The following WDR6 variants were observed in gnomAD, a reference collection of about 807,000 sequenced individuals.
WDR6 encodes the protein WD repeat domain 6, also known as tRNA (34-2'-O)-methyltransferase regulator WDR6.
In WDR6, 58 loss-of-function variants were observed where a neutral mutation model predicts 85.6. That is an observed-to-expected ratio of 0.68 (90% confidence interval 0.55 to 0.84). The LOEUF (loss-of-function observed/expected upper bound fraction) is 0.84. Ranked by LOEUF, WDR6 falls within the 40% of genes least tolerant of loss-of-function variation. The pLI, the probability that WDR6 is intolerant of heterozygous loss-of-function variation, is 0.00. For missense variants in WDR6, 1,310 were observed against 1,476.4 expected (o/e 0.89, Z 1.85); for synonymous variants, 569 against 582.2 (o/e 0.98, Z 0.33).
chr3:49,012,911 C>A lies in WDR6; in HGVS notation c.1377C>A (p.Gly459=), dbSNP rs139860182. The change falls in exon 2 of 6, where the codon GGC becomes GGA. Residue 459 remains glycine (G), a synonymous_variant. Transcript: ENST00000608424. This position sits in a 1 kb window ranked among gnomAD's most constrained non-coding sequence, Gnocchi z 4.4. ...EELLLLASGP[G]GVVACLEISA... ...TCCTGTTGCTGGCATCGGGCCCTGG[C>A]GGGGTAGTAGCTTGCCTAGAGATCT... 1 of 1,613,760 alleles carries A rather than the reference C, an allele frequency of 6.2e-7. No homozygotes were observed. The highest frequency in any genetic ancestry group is 8.5e-7 in the Non-Finnish European group (1 of 1,179,936).
rs757345043 is a variant in WDR6, at chr3:49,013,638, C to T, written c.2104C>T (p.Arg702Cys). Residue 702 changes from arginine to cysteine, a missense_variant, in exon 2 of 6, where the codon CGT becomes TGT. By Grantham distance (180) the Arg-to-Cys change is radical. Transcript: ENST00000608424. This position sits in a 1 kb window ranked among gnomAD's most constrained non-coding sequence, Gnocchi z 4.6. The stretch of plus-strand genomic sequence containing the variant: ...GATTCTCCGGGAGGGTCTGCATGGC[C>T]GTGAGATCACTTGTGTAAAGCGTGT... ...HVILREGLHG[R>C]EITCVKRVGT... 5.4e-5 allele frequency: 87 copies of T among 1,613,944 alleles called. No individual in the cohort carries two copies. Among genetic ancestry groups the T allele is most frequent in the South Asian group, 3.7e-4 (34 of 91,088 alleles).
chr3:49,011,358 C>T (rs754429621), intron 1 of WDR6: 1,284 of 1,104,892 alleles, frequency 1.2e-3, no homozygotes, highest in Non-Finnish European at 1.4e-3. Flanking sequence ...GGATTACAGG[C>T]GTGAGCCACC....
rs758601528 is a variant in WDR6 at position 49,014,663 on chromosome 3, G to C, written c.2847G>C (p.Met949Ile). 2.4e-5 allele frequency: 39 copies of C among 1,613,422 alleles called. No individual in the cohort carries two copies. The highest frequency in any genetic ancestry group is 3.3e-5 in the Non-Finnish European group (39 of 1,180,014). ...GSLAFWDLTT[M>I]LDHDSTVLEP... ...TGGCTTTCTGGGATCTCACCACCAT[G>C]CTAGACCATGACTCCACTGTCCTGG... The change falls in exon 5 of 6, where the codon ATG becomes ATC. Residue 949 changes from methionine (M) to isoleucine (I), a missense_variant. Met to Ile is a conservative substitution (Grantham distance 10, BLOSUM62 1). Transcript: ENST00000608424. This position sits in a 1 kb window ranked among gnomAD's most constrained non-coding sequence, Gnocchi z 4.9.
chr3:49,015,257 AG>A lies in WDR6; in HGVS notation c.3339del (p.Glu1115ArgfsTer40). On this transcript the variant is annotated frameshift_variant, in exon 6 of 6. Coordinates refer to ENST00000608424, the MANE Select transcript of WDR6 (RefSeq NM_018031.6). LOFTEE classifies it high-confidence loss of function. ...GGCCACCGTTGTGCCCTTGGGGGTCAGGGGCTTGAGGTTTACAACTGGTATG... is the reference window on the plus strand; with the variant it reads ...GGCCACCGTTGTGCCCTTGGGGGTCAGGGCTTGAGGTTTACAACTGGTATG... ...EFGHRCALGG[Q>X]GLEVYNWYD is the part of the protein sequence containing the mutation. 1 of 1,612,130 alleles carries A rather than the reference AG, an allele frequency of 6.2e-7. No individual in the cohort carries two copies.
At chr3:49,008,384 A>G (rs1271858162) in intron 1 of WDR6, 1 of 152,400 alleles carries the variant, frequency 6.6e-6, no homozygotes, top group African/African-American at 2.4e-5. Context: ...GTGAGTTGCC[A>G]CCAGTCCTAA....
At position 49,014,556 on chromosome 3, in the gene WDR6, C is replaced by T. The variant is rs758176282; in HGVS notation, c.2784-44C>T. ...GCTGGGTTGGGGGGTTCCTGTTGAGCTTCATCTCTGTTATTGACCAGGCTG... is the reference window on the plus strand; with the variant it reads ...GCTGGGTTGGGGGGTTCCTGTTGAGTTTCATCTCTGTTATTGACCAGGCTG... On this transcript the variant is annotated intron_variant, in intron 4 of 5. Transcript: ENST00000608424. This position sits in a 1 kb window ranked among gnomAD's most constrained non-coding sequence, Gnocchi z 4.9. The T allele has an allele frequency of 1.2e-6, 2 of 1,613,436 alleles. No individual in the cohort carries two copies. Among genetic ancestry groups the T allele is most frequent in the Non-Finnish European group, 1.7e-6 (2 of 1,179,776 alleles).
rs1052969424 is a variant in WDR6 at position 49,014,841 on chromosome 3, C to G, written c.2919C>G (p.Ser973=). ...PGLPYRLGTP[S]LTLQAHSCGI... is the part of the protein sequence containing the mutation. ...TTCCTTCAGGGCTTGGCACCCCCTC[C>G]CTGACTCTCCAGGCCCACAGCTGTG... Residue 973 remains serine (S), a synonymous_variant, in exon 6 of 6, where the codon TCC becomes TCG. Transcript: ENST00000608424. The surrounding 1 kb of genome is among the most constrained non-coding windows in gnomAD (Gnocchi z 4.9). 5 of 1,604,760 alleles carry G rather than the reference C, an allele frequency of 3.1e-6. No individual in the cohort carries two copies. The highest frequency in any genetic ancestry group is 4.3e-6 in the Non-Finnish European group (5 of 1,173,242).
In WDR6 at chr3:49,013,651, G is replaced by T. The variant is rs779774691; in HGVS notation, c.2117G>T (p.Cys706Phe). 6.2e-6 allele frequency: 10 copies of T among 1,614,164 alleles called. No individual in the cohort carries two copies. The East Asian group carries it at 2.2e-4, about 36-fold the overall frequency. The change falls in exon 2 of 6, where the codon TGT (cysteine) becomes TTT (phenylalanine). Residue 706 changes from cysteine to phenylalanine, a missense_variant. Coordinates refer to ENST00000608424, the MANE Select transcript of WDR6 (RefSeq NM_018031.6). The surrounding 1 kb of genome is among the most constrained non-coding windows in gnomAD (Gnocchi z 4.6). Reference protein sequence around the residue: ...REGLHGREITCVKRVGTITLG... With the variant: ...REGLHGREITFVKRVGTITLG... ...GGTCTGCATGGCCGTGAGATCACTT[G>T]TGTAAAGCGTGTGGGCACCATTACC...
At position 49,013,371 on chromosome 3, in the gene WDR6, A is replaced by G. The variant is rs1404425415; in HGVS notation, c.1837A>G (p.Met613Val). 6.2e-7 allele frequency: 1 copy of G among 1,614,172 alleles called. No individual in the cohort carries two copies. Among genetic ancestry groups the G allele is most frequent in the Admixed American group, 1.7e-5 (1 of 60,022 alleles). Reference protein sequence around the residue: ...PVLRQKSCRGMNWLAGLRIVP... With the variant: ...PVLRQKSCRGVNWLAGLRIVP... The stretch of plus-strand genomic sequence containing the variant: ...CCTAAGGCAGAAGTCCTGTCGAGGC[A>G]TGAACTGGCTAGCTGGGCTCCGTAT... Residue 613 changes from methionine to valine, a missense_variant, in exon 2 of 6, where the codon ATG (methionine) becomes GTG (valine). By Grantham distance (21) the Met-to-Val change is conservative. Transcript: ENST00000608424. The surrounding 1 kb of genome is among the most constrained non-coding windows in gnomAD (Gnocchi z 4.6).
chr3:49,011,374 T>A, intron 1 of WDR6: 1 of 1,319,550 alleles, frequency 7.6e-7, no homozygotes, highest in Non-Finnish European at 1.0e-6. Flanking sequence ...CCACCGTGCC[T>A]GGCCGAGACC....
chr3:49,013,400 G>T lies in WDR6; in HGVS notation c.1866G>T (p.Val622=). 6.2e-7 allele frequency: 1 copy of T among 1,614,182 alleles called. No individual in the cohort carries two copies. ...GMNWLAGLRI[V]PDGSMVILGF... Reference sequence around the variant, plus strand: ...ACTGGCTAGCTGGGCTCCGTATAGTGCCCGATGGGAGCATGGTTATCCTGG... The same window carrying T: ...ACTGGCTAGCTGGGCTCCGTATAGTTCCCGATGGGAGCATGGTTATCCTGG... Residue 622 remains valine (V), a synonymous_variant, in exon 2 of 6, where the codon GTG becomes GTT. Transcript: ENST00000608424. This position sits in a 1 kb window ranked among gnomAD's most constrained non-coding sequence, Gnocchi z 4.6.
Position 49,014,719 on chromosome 3 carries a change from G to GT in WDR6, c.2902+2dup. The GT allele has an allele frequency of 6.2e-7, 1 of 1,612,870 alleles. No homozygotes were observed. ...CCAGTGGATCCTGGGCTTCCCTACC[G>GT]TGAGTAGCTAATGTGCAACCATGGC... On this transcript the variant is annotated splice_donor_variant, in intron 5 of 5. Transcript: ENST00000608424. LOFTEE classifies it high-confidence loss of function. The surrounding 1 kb of genome is among the most constrained non-coding windows in gnomAD (Gnocchi z 4.9).
chr3:49,009,578 C>T (rs895702932), intron 1 of WDR6, among the ~76,000 whole-genome samples: 1 of 152,104 alleles, frequency 6.6e-6, no homozygotes, highest in Admixed American at 6.5e-5. Context: ...GCCAGTAGCA[C>T]AACCCCTGGA....
At position 49,011,797 on chromosome 3, in the gene WDR6, G is replaced by T; in HGVS notation, c.263G>T (p.Gly88Val). The change falls in exon 2 of 6, where the codon GGA (glycine) becomes GTA (valine). Residue 88 changes from glycine (G) to valine (V), a missense_variant. Physicochemically the swap from Gly to Val is moderately radical, Grantham distance 109 (BLOSUM62 -3). Transcript: ENST00000608424. ...LDLEAMVAVF[G>V]SKGLRVVKIS... Reference sequence around the variant, plus strand: ...TTGGAGGCCATGGTGGCTGTGTTTGGAAGCAAGGGACTCCGAGTTGTGAAA... The same window carrying T: ...TTGGAGGCCATGGTGGCTGTGTTTGTAAGCAAGGGACTCCGAGTTGTGAAA... The T allele has an allele frequency of 6.2e-7, 1 of 1,614,228 alleles. No individual in the cohort carries two copies. Among genetic ancestry groups the T allele is most frequent in the Non-Finnish European group, 8.5e-7 (1 of 1,180,044 alleles).
Position 49,015,646 on chromosome 3 carries a change from C to G in WDR6, c.*358C>G, listed in dbSNP as rs1307565549. The stretch of plus-strand genomic sequence containing the variant: ...AGCCAGGCCAGTATGGAGCACCTCA[C>G]GCACAGCTCTCAGAAGCTGCAGGCG... On this transcript the variant is annotated 3_prime_UTR_variant, in exon 6 of 6. Transcript: ENST00000608424. 6.2e-7 allele frequency: 1 copy of G among 1,614,136 alleles called. No homozygotes were observed.
chr3:49,012,700 A>T lies in WDR6; in HGVS notation c.1166A>T (p.His389Leu), dbSNP rs201449510. The change falls in exon 2 of 6, where the codon CAT (histidine) becomes CTT (leucine). Residue 389 changes from histidine (H) to leucine (L), a missense_variant. By Grantham distance (99) the His-to-Leu change is moderately conservative (BLOSUM62 -3). Coordinates refer to ENST00000608424, the MANE Select transcript of WDR6 (RefSeq NM_018031.6). This position sits in a 1 kb window ranked among gnomAD's most constrained non-coding sequence, Gnocchi z 4.4. Reference sequence around the variant, plus strand: ...TGGGAGCAGCTGCTAGAGGATAAACATTTCCAGTCCTACTGCCTGCTGGAG... The same window carrying T: ...TGGGAGCAGCTGCTAGAGGATAAACTTTTCCAGTCCTACTGCCTGCTGGAG... Reference protein sequence around the residue: ...KCWEQLLEDKHFQSYCLLEAA... With the variant: ...KCWEQLLEDKLFQSYCLLEAA... The T allele has an allele frequency of 5.8e-5, 93 of 1,613,822 alleles. 1 individual carries two copies. The East Asian group carries it at 1.2e-3, about 21-fold the overall frequency.
Position 49,011,648 on chromosome 3 carries a change from T to G in WDR6, c.114T>G (p.Asp38Glu). The G allele has an allele frequency of 6.2e-7, 1 of 1,614,016 alleles. No homozygotes were observed. Among genetic ancestry groups the G allele is most frequent in the South Asian group, 1.1e-5 (1 of 91,084 alleles). ...GDRLLAGEGP[D>E]VLVYSLDFGG... ...GCCTCTATCTAGGTGAGGGTCCCGATGTCCTGGTGTACAGCTTGGACTTTG... is the reference window on the plus strand; with the variant it reads ...GCCTCTATCTAGGTGAGGGTCCCGAGGTCCTGGTGTACAGCTTGGACTTTG... The change falls in exon 2 of 6, where the codon GAT (aspartate) becomes GAG (glutamate). Residue 38 changes from aspartate (D) to glutamate (E), a missense_variant. Coordinates refer to ENST00000608424, the MANE Select transcript of WDR6 (RefSeq NM_018031.6).
Position 49,015,281 on chromosome 3 carries a change from AT to A in WDR6, c.3360del (p.Tyr1120Ter). ...GGQGLEVYNW[Y>X]D ...CAGGGGCTTGAGGTTTACAACTGGT[AT>A]GACTGAGGTATCCTGCGGTGGCTGG... On this transcript the variant is annotated frameshift_variant, in exon 6 of 6. Coordinates refer to ENST00000608424, the MANE Select transcript of WDR6 (RefSeq NM_018031.6). LOFTEE classifies it high-confidence loss of function. 1 of 1,609,698 alleles carries A rather than the reference AT, an allele frequency of 6.2e-7. No homozygotes were observed. The highest frequency in any genetic ancestry group is 2.2e-5 in the East Asian group (1 of 44,874).
At chr3:49,010,621 C>T (rs144339338) in intron 1 of WDR6, among the ~76,000 whole-genome samples, 2,911 of 151,316 alleles carry the variant, frequency 0.019, 37 homozygotes, top group Non-Finnish European at 0.027. Context: ...GAGGCTGAGG[C>T]GGGCAGATCA....
Sources: gnomAD v4.1 joint callset for allele counts (sites outside exome capture counted in the v4.1 genomes callset) on GRCh38, gnomAD v4.1.1 for gene constraint, Gnocchi (gnomAD v3.1) non-coding constraint, MANE v1.5 for transcripts, NCBI Gene and HGNC (gene_info 2026-07-23, HGNC 2026-07-21) for gene names.